Variants in FIG4 observed in about 807,000 individuals in gnomAD.
FIG4 encodes FIG4 phosphoinositide 5-phosphatase.
Under a neutral mutation model 118.6 loss-of-function variants are expected in FIG4, and 112 were observed. That is an observed-to-expected ratio of 0.94 (90% CI 0.81 to 1.11). FIG4 has a LOEUF of 1.11. Ranked by LOEUF, FIG4 falls within the 50% of genes least tolerant of loss-of-function variation. The pLI, the probability that FIG4 is intolerant of heterozygous loss-of-function variation, is 0.00. For synonymous variants in FIG4, 369 were observed against 381.2 expected, an observed-to-expected ratio of 0.97 and a Z score of 0.37; for missense variants, 969 against 1,111.7, an observed-to-expected ratio of 0.87 and a Z score of 1.83.
chr6:109,789,529 A>G (rs963215767), intron 18 of FIG4, 65 bp from the exon 19 acceptor site: 20 of 1,154,408 alleles, frequency 1.7e-5, no homozygotes, highest in Middle Eastern at 1.9e-4. Flanking sequence ...GTGAACTGAG[A>G]TGGAAGCCAA....
intron 22 of FIG4, among the ~76,000 whole-genome samples, chr6:109,817,475 G>A (rs1778892008): frequency 6.6e-6 from 1 of 151,704 alleles, no homozygotes; most frequent in African/African-American, 2.4e-5. Flanking sequence ...ACCTATTTCA[G>A]GTCAGAAAAT....
chr6:109,718,707 G>A (rs1202587052), intron 3 of FIG4, among the ~76,000 whole-genome samples: 1 of 152,060 alleles, frequency 6.6e-6, no homozygotes, highest in Non-Finnish European at 1.5e-5. Context: ...GAATGGATGA[G>A]TGTTTGTGGG....
intron 22 of FIG4, among the ~76,000 whole-genome samples, chr6:109,817,878 A>G (rs1343949636): frequency 6.6e-6 from 1 of 152,226 alleles, no homozygotes; most frequent in African/African-American, 2.4e-5. Context: ...TCAGCTGCAG[A>G]AAGCATAATC....
chr6:109,781,797 G>C (rs1258287728), intron 16 of FIG4, among the ~76,000 whole-genome samples: 1 of 80,682 alleles, frequency 1.2e-5, no homozygotes, highest in Non-Finnish European at 4.1e-5. Flanking sequence ...TGACCATCTT[G>C]ATCCTAATTC....
intron 5 of FIG4, 107 bp downstream of exon 5, chr6:109,732,794 G>A (rs570506258): frequency 4.5e-6 from 3 of 671,206 alleles, no homozygotes; most frequent in African/African-American, 3.6e-5. Context: ...TTTCATTTTA[G>A]TCAACTTGTT....
intron 10 of FIG4, among the ~76,000 whole-genome samples, chr6:109,750,116 C>T (rs7758697): frequency 1.3e-5 from 2 of 152,010 alleles, no homozygotes; most frequent in Non-Finnish European, 2.9e-5. Flanking sequence ...GTTAATAAAG[C>T]GAAATGCTTT....
At chr6:109,760,529 AAACT>A (rs757559589) in intron 11 of FIG4, 146 bp downstream of exon 11, 1 of 733,338 alleles carries the variant, frequency 1.4e-6, no homozygotes, top group Non-Finnish European at 2.3e-6. Context: ...GTGCATCAAG[AAACT>A]AACCAAACAT....
At chr6:109,752,606 T>C (rs887644679) in intron 10 of FIG4, among the ~76,000 whole-genome samples, 1 of 152,260 alleles carries the variant, frequency 6.6e-6, no homozygotes, top group African/African-American at 2.4e-5. Context: ...TGAGCATTTT[T>C]TCATGTGTCT....
At chr6:109,724,395 G>T (rs1300746396) in intron 3 of FIG4, among the ~76,000 whole-genome samples, 2 of 152,166 alleles carry the variant, frequency 1.3e-5, no homozygotes, top group Non-Finnish European at 2.9e-5. Context: ...TACCTTGCCT[G>T]CATTCTTCTA....
intron 15 of FIG4, among the ~76,000 whole-genome samples, chr6:109,771,969 A>G (rs1357529618): frequency 1.3e-5 from 2 of 152,078 alleles, no homozygotes; most frequent in Admixed American, 6.5e-5. Context: ...CCCTCCAGCC[A>G]CAGTCCTATT....
intron 10 of FIG4, among the ~76,000 whole-genome samples, chr6:109,756,705 C>A (rs761882056): frequency 6.6e-6 from 1 of 152,180 alleles, no homozygotes; most frequent in African/African-American, 2.4e-5. Context: ...ATCACTGATA[C>A]CCTTTCTTCC....
chr6:109,802,428 G>A (rs930851170), intron 22 of FIG4, among the ~76,000 whole-genome samples: 1 of 152,148 alleles, frequency 6.6e-6, no homozygotes, highest in Non-Finnish European at 1.5e-5. Flanking sequence ...AATTTAGTAG[G>A]CCTATGCAGT....
intron 1 of FIG4, among the ~76,000 whole-genome samples, chr6:109,697,261 CAAAAAAAAA>C (rs566216314): frequency 1.6e-5 from 1 of 63,208 alleles, no homozygotes; most frequent in African/African-American, 5.3e-5. Context: ...GACTCTGTCT[CAAAAAAAAA>C]AAAAAAAAAG....
rs147339891 is a variant in FIG4 at position 109,821,784 on chromosome 6, G to A, written c.2547-3304G>A. Among the ~76,000 whole-genome samples the A allele has an allele frequency of 1.9e-3, 294 of 152,312 alleles. 1 individual carries two copies. Among genetic ancestry groups the A allele is most frequent in the African/African-American group, 6.9e-3 (288 of 41,570 alleles). On this transcript the variant is annotated intron_variant, in intron 22 of 22. Coordinates refer to ENST00000230124, the MANE Select transcript of FIG4 (RefSeq NM_014845.6). ...CCCACAGCGCATATAAAGGGCAGAG[G>A]AACACTTTGAACTGCATCTTGACTA...
chr6:109,792,604 A>T lies in FIG4; in HGVS notation c.2399A>T (p.Glu800Val). ...VTENVVQPMK[E>V]LYGINLSDGL... ...CAGAATGTGGTCCAACCCATGAAGG[A>T]GCTATATGGAATTAACCTCTCAGAT... Residue 800 changes from glutamate (E) to valine (V), a missense_variant, in exon 21 of 23, where the codon GAG becomes GTG. By Grantham distance (121) the Glu-to-Val change is moderately radical (BLOSUM62 -2). Coordinates refer to ENST00000230124, the MANE Select transcript of FIG4 (RefSeq NM_014845.6). 6.2e-7 allele frequency: 1 copy of T among 1,601,944 alleles called. No homozygotes were observed. The highest frequency in any genetic ancestry group is 8.5e-7 in the Non-Finnish European group (1 of 1,169,628).
At chr6:109,743,006 A>G in intron 8 of FIG4, 104 bp from the exon 9 acceptor site, 2 of 1,051,884 alleles carry the variant, frequency 1.9e-6, no homozygotes, top group African/African-American at 1.6e-5. Context: ...AAGAATAGGA[A>G]TTATAACTTC....
chr6:109,699,013 C>T (rs1358211634), intron 1 of FIG4, among the ~76,000 whole-genome samples: 2 of 152,010 alleles, frequency 1.3e-5, no homozygotes, highest in African/African-American at 4.8e-5. Context: ...AAAAAGTGTT[C>T]ATTTTCTGAA....
chr6:109,797,132 G>A (rs1208987078), intron 22 of FIG4, among the ~76,000 whole-genome samples: 1 of 152,096 alleles, frequency 6.6e-6, no homozygotes, highest in Non-Finnish European at 1.5e-5. Context: ...GAAGTGGGAT[G>A]GTGAAACAGC....
At position 109,743,811 on chromosome 6, in the gene FIG4, G is replaced by A. The variant is rs780366625; in HGVS notation, c.1137+39G>A. ...ATCTGTTTGGTTATGAGATTCAGAC[G>A]CTCTGGGAAGCCTCTTCCTCAACAC... On this transcript the variant is annotated intron_variant, in intron 10 of 22. Transcript: ENST00000230124. 6 of 1,417,270 alleles carry A rather than the reference G, an allele frequency of 4.2e-6. No homozygotes were observed. The South Asian group carries it at 5.7e-5, about 14-fold the overall frequency. 87.8% of individuals were successfully genotyped at this position (1,417,270 alleles called of 1,614,324 possible).
Sources: gnomAD v4.1 joint callset for allele counts (sites outside exome capture counted in the v4.1 genomes callset) on GRCh38, gnomAD v4.1.1 for gene constraint, MANE v1.5 for transcripts, NCBI Gene and HGNC (gene_info 2026-07-23, HGNC 2026-07-21) for gene names.